Variants in PTPRD observed in about 807,000 individuals in gnomAD.
PTPRD encodes protein tyrosine phosphatase receptor type D.
In PTPRD, 34 loss-of-function variants were observed where a neutral mutation model predicts 214.5. The observed-to-expected ratio is 0.16, with a 90% CI of 0.12 to 0.21. The LOEUF is 0.21. Among genes scored for constraint, PTPRD ranks in the 10% least tolerant of loss-of-function variants. PTPRD has a pLI of 1.00. For missense variants in PTPRD, 2,545 were observed against 2,398.7 expected, an observed-to-expected ratio of 1.06 and a Z score of -1.27; for synonymous variants, 1,128 against 845.7, an observed-to-expected ratio of 1.33 and a Z score of -5.79.
At chr9:9,719,148 A>G (rs1214143103) in intron 7 of PTPRD, among the ~76,000 whole-genome samples, 1 of 152,088 alleles carries the variant, frequency 6.6e-6, no homozygotes, top group Non-Finnish European at 1.5e-5. Flanking sequence ...AGCCCATAAC[A>G]TCTCCAGACT....
At chr9:8,394,316 C>T (rs2090477798) in intron 36 of PTPRD, among the ~76,000 whole-genome samples, 1 of 152,018 alleles carries the variant, frequency 6.6e-6, no homozygotes, top group Admixed American at 6.6e-5. Context: ...GCCTTAAGTC[C>T]TGATATTAAG....
intron 3 of PTPRD, among the ~76,000 whole-genome samples, chr9:10,124,759 G>C (rs1410139022): frequency 6.6e-6 from 1 of 152,148 alleles, no homozygotes; most frequent in African/African-American, 2.4e-5. Flanking sequence ...TGAGCACTCT[G>C]CTCTTAATGT....
intron 9 of PTPRD, among the ~76,000 whole-genome samples, chr9:9,208,665 T>G (rs1281779931): frequency 6.6e-6 from 1 of 152,100 alleles, no homozygotes; most frequent in Admixed American, 6.6e-5. Flanking sequence ...TAGGGAAAGT[T>G]TCTCTATGTA....
intron 4 of PTPRD, among the ~76,000 whole-genome samples, chr9:9,939,718 G>T (rs2090852098): frequency 6.6e-6 from 1 of 152,034 alleles, no homozygotes; most frequent in African/African-American, 2.4e-5. Context: ...TCTGTCTTCT[G>T]GTGTCAAGCT....
At chr9:8,667,653 C>T (rs541415989) in intron 12 of PTPRD, among the ~76,000 whole-genome samples, 4 of 151,868 alleles carry the variant, frequency 2.6e-5, no homozygotes, top group Non-Finnish European at 5.9e-5. Context: ...ATTTCACATA[C>T]ATGAAATATA....
At chr9:10,318,604 T>C (rs756944333) in intron 3 of PTPRD, among the ~76,000 whole-genome samples, 1 of 152,008 alleles carries the variant, frequency 6.6e-6, no homozygotes, top group Non-Finnish European at 1.5e-5. Context: ...GGAGTTCGTT[T>C]ATATTTATTT....
chr9:9,766,738 T>C (rs1486115073), intron 6 of PTPRD, 72 bp downstream of exon 6: 2 of 152,464 alleles, frequency 1.3e-5, no homozygotes, highest in African/African-American at 4.8e-5. Context: ...GCAACAGTAA[T>C]ATAATTATTG....
intron 7 of PTPRD, among the ~76,000 whole-genome samples, chr9:9,611,327 T>C (rs997376793): frequency 2.0e-5 from 3 of 152,144 alleles, no homozygotes; most frequent in Admixed American, 2.0e-4. Flanking sequence ...CATACACATA[T>C]CTCCACCAGC....
Position 9,758,296 on chromosome 9 carries a change from A to G in PTPRD, c.-326+8514T>C, listed in dbSNP as rs77074046. On this transcript the variant is annotated intron_variant, in intron 6 of 45. Transcript: ENST00000381196. Reference sequence around the variant, plus strand: ...GCTTGGCTTTTGTATATTTTTATTGATGTTTACTTTTAAGGCAGTTTTTAT... The same window carrying G: ...GCTTGGCTTTTGTATATTTTTATTGGTGTTTACTTTTAAGGCAGTTTTTAT... Among the ~76,000 whole-genome samples, 511 of 151,674 alleles carry G rather than the reference A, an allele frequency of 3.4e-3. 1 individual carries two copies. Among genetic ancestry groups the G allele is most frequent in the Non-Finnish European group, 6.0e-3 (411 of 67,950 alleles).
rs574441725 is a variant in PTPRD at position 9,653,708 on chromosome 9, T to A, written c.-286-78927A>T. Among the ~76,000 whole-genome samples, 48 of 152,324 alleles carry A rather than the reference T, an allele frequency of 3.2e-4. 1 individual carries two copies. In the South Asian group the frequency reaches 9.9e-3, roughly 32 times the overall value. On this transcript the variant is annotated intron_variant, in intron 7 of 45. Coordinates refer to ENST00000381196, the MANE Select transcript of PTPRD (RefSeq NM_002839.4). Reference sequence around the variant, plus strand: ...GTTTGCTTATAGAAATCCAGACCAATGGTAAAAATTAGTGTTTTGGATATT... The same window carrying A: ...GTTTGCTTATAGAAATCCAGACCAAAGGTAAAAATTAGTGTTTTGGATATT...
intron 10 of PTPRD, among the ~76,000 whole-genome samples, chr9:9,054,068 T>A (rs2099691731): frequency 2.0e-5 from 3 of 152,164 alleles, no homozygotes; most frequent in Non-Finnish European, 4.4e-5. Flanking sequence ...AAGTCCCATA[T>A]CATGTATTGA....
intron 3 of PTPRD, among the ~76,000 whole-genome samples, chr9:10,111,489 C>G (rs1489952838): frequency 1.6e-4 from 24 of 151,924 alleles, no homozygotes; most frequent in Admixed American, 1.6e-3. Flanking sequence ...CCGCCCGCCT[C>G]GGCCTCCCAA....
chr9:8,561,737 G>C (rs1416017468), intron 14 of PTPRD, among the ~76,000 whole-genome samples: 1 of 147,810 alleles, frequency 6.8e-6, no homozygotes, highest in Non-Finnish European at 1.5e-5. Context: ...AAGTCTTTAG[G>C]AAAGGATCCT....
At chr9:9,849,911 T>C (rs908281317) in intron 5 of PTPRD, among the ~76,000 whole-genome samples, 1 of 152,128 alleles carries the variant, frequency 6.6e-6, no homozygotes, top group African/African-American at 2.4e-5. Context: ...AGCATGGTCC[T>C]ACAGCGGAAT....
chr9:8,821,191 T>C (rs1422203320), intron 11 of PTPRD, among the ~76,000 whole-genome samples: 1 of 152,130 alleles, frequency 6.6e-6, no homozygotes, highest in Non-Finnish European at 1.5e-5. Flanking sequence ...AAGGAAACAA[T>C]GGGAATAAGA....
chr9:10,292,073 G>A (rs992547493), intron 3 of PTPRD, among the ~76,000 whole-genome samples: 2 of 151,978 alleles, frequency 1.3e-5, no homozygotes, highest in Non-Finnish European at 2.9e-5. Context: ...ATTATGAAAA[G>A]TTCTAAGGCG....
chr9:8,479,009 A>G (rs1007866258), intron 30 of PTPRD, among the ~76,000 whole-genome samples: 1 of 152,134 alleles, frequency 6.6e-6, no homozygotes, highest in African/African-American at 2.4e-5. Context: ...ATCTAAATAA[A>G]AGTTAGCAAC....
chr9:9,261,267 G>C lies in PTPRD; in HGVS notation c.-202-77904C>G, dbSNP rs140931313. ...CTTATCCATCTTCCTGATGTTTATA[G>C]GCTTCATTTTTTAGAATGTTTATTT... is the stretch of plus-strand genomic sequence containing the variant. On this transcript the variant is annotated intron_variant, in intron 9 of 45. Transcript: ENST00000381196. Among the ~76,000 whole-genome samples, 556 of 151,834 alleles carry C rather than the reference G, an allele frequency of 3.7e-3. 3 individuals are homozygous for C. The highest frequency in any genetic ancestry group is 0.013 in the African/African-American group (536 of 41,454).
intron 3 of PTPRD, among the ~76,000 whole-genome samples, chr9:10,155,083 G>T (rs1386256316): frequency 6.6e-6 from 1 of 152,024 alleles, no homozygotes; most frequent in Non-Finnish European, 1.5e-5. Flanking sequence ...CATGAGCATA[G>T]AATGTTTCTC....
Sources: gnomAD v4.1 joint callset for allele counts (sites outside exome capture counted in the v4.1 genomes callset) on GRCh38, gnomAD v4.1.1 for gene constraint, MANE v1.5 for transcripts, NCBI Gene and HGNC (gene_info 2026-07-23, HGNC 2026-07-21) for gene names.